The following NRXN3 variants were observed in gnomAD, a reference collection of about 807,000 sequenced individuals.
NRXN3 encodes neurexin 3, also known as neurexin III.
NRXN3 carries 32 observed loss-of-function variants against 137.6 expected under a neutral mutation model. That is an observed-to-expected ratio of 0.23 (90% CI 0.18 to 0.31). NRXN3 has a LOEUF of 0.31. NRXN3 is among the 10% of genes least tolerant of loss of function. NRXN3 has a pLI of 1.00. For missense variants in NRXN3, 1,574 were observed against 2,062.5 expected, an observed-to-expected ratio of 0.76 and a Z score of 4.59; for synonymous variants, 798 against 784.5, an observed-to-expected ratio of 1.02 and a Z score of -0.29.
intron 6 of NRXN3, among the ~76,000 whole-genome samples, chr14:78,708,778 A>G (rs2098381724): frequency 6.6e-6 from 1 of 152,216 alleles, no homozygotes; most frequent in Non-Finnish European, 1.5e-5. Context: ...ACCAAAAGCA[A>G]TACCTTGTTT....
chr14:78,977,750 A>G (rs746270177), intron 14 of NRXN3, among the ~76,000 whole-genome samples: 25 of 152,176 alleles, frequency 1.6e-4, no homozygotes, highest in African/African-American at 4.3e-4. Flanking sequence ...ATCATTGACC[A>G]TCAAGAGCAG....
At chr14:79,047,857 T>A (rs2099635281) in intron 15 of NRXN3, among the ~76,000 whole-genome samples, 1 of 152,202 alleles carries the variant, frequency 6.6e-6, no homozygotes, top group African/African-American at 2.4e-5. Flanking sequence ...AAAACCACTT[T>A]GGAAAAATTG....
At chr14:79,260,404 G>GA (rs2077418258) in intron 15 of NRXN3, among the ~76,000 whole-genome samples, 2 of 152,076 alleles carry the variant, frequency 1.3e-5, no homozygotes, top group Admixed American at 6.6e-5. Flanking sequence ...CACAAAAAAG[G>GA]AAAAACTCTC....
chr14:79,029,012 A>G (rs1036943844), intron 15 of NRXN3, among the ~76,000 whole-genome samples: 1 of 152,036 alleles, frequency 6.6e-6, no homozygotes, highest in Admixed American at 6.6e-5. Flanking sequence ...ATAGGAAAAA[A>G]TAGTGATAAA....
At chr14:78,519,797 C>G (rs1047774921) in intron 4 of NRXN3, among the ~76,000 whole-genome samples, 3 of 152,048 alleles carry the variant, frequency 2.0e-5, no homozygotes, top group African/African-American at 7.2e-5. Context: ...GAATAAATAT[C>G]AAAGGACCCA....
At chr14:79,189,422 G>A (rs1030437165) in intron 15 of NRXN3, among the ~76,000 whole-genome samples, 1 of 151,100 alleles carries the variant, frequency 6.6e-6, no homozygotes, top group Non-Finnish European at 1.5e-5. Context: ...AGCTTTAGGA[G>A]ATATACCTAA....
At chr14:79,777,792 T>G (rs575246176) in intron 19 of NRXN3, among the ~76,000 whole-genome samples, 1 of 151,750 alleles carries the variant, frequency 6.6e-6, no homozygotes, top group African/African-American at 2.4e-5. Context: ...ATAAATTATT[T>G]TAATATATTT....
chr14:79,855,709 T>C (rs1394020078), intron 20 of NRXN3, among the ~76,000 whole-genome samples: 1 of 152,146 alleles, frequency 6.6e-6, no homozygotes, highest in Non-Finnish European at 1.5e-5. Context: ...ATTATGTAAG[T>C]GTTTATAGCT....
In NRXN3 at chr14:78,709,421, C is replaced by T. The variant is rs200425610; in HGVS notation, c.1426C>T (p.Arg476Cys). ...TATGGGCTCCATCTCCTTTGACTTC[C>T]GCACCACAGAGCCCAATGGCCTGAT... ...KRMGSISFDF[R>C]TTEPNGLILF... The change falls in exon 7 of 21, where the codon CGC becomes TGC. Residue 476 changes from arginine (R) to cysteine (C), a missense_variant. This residue lies in a region of NRXN3 where 718 missense variants were observed against 887.6 expected (regional missense o/e 0.81). Coordinates refer to ENST00000335750, the MANE Select transcript of NRXN3 (RefSeq NM_001330195.2). 62 of 1,614,134 alleles carry T rather than the reference C, an allele frequency of 3.8e-5. No homozygotes were observed. Among genetic ancestry groups the T allele is most frequent in the Admixed American group, 1.0e-4 (6 of 60,018 alleles).
At chr14:79,295,965 G>A (rs1178065314) in intron 15 of NRXN3, among the ~76,000 whole-genome samples, 1 of 152,148 alleles carries the variant, frequency 6.6e-6, no homozygotes, top group Non-Finnish European at 1.5e-5. Flanking sequence ...TCCAGGCACT[G>A]TCCAGGGTGT....
intron 15 of NRXN3, among the ~76,000 whole-genome samples, chr14:79,006,591 A>G (rs2099553520): frequency 2.0e-5 from 3 of 152,072 alleles, no homozygotes; most frequent in Non-Finnish European, 4.4e-5. Context: ...TGTTTTTACA[A>G]TTAAAGATGT....
At chr14:79,754,917 A>T (rs549339762) in intron 19 of NRXN3, among the ~76,000 whole-genome samples, 1 of 152,196 alleles carries the variant, frequency 6.6e-6, no homozygotes, top group Admixed American at 6.5e-5. Context: ...TTAAGCTGCC[A>T]TGCGAAGAAG....
At chr14:79,243,604 T>C (rs114589710) in intron 15 of NRXN3, among the ~76,000 whole-genome samples, 1 of 152,140 alleles carries the variant, frequency 6.6e-6, no homozygotes, top group African/African-American at 2.4e-5. Context: ...AAAATCATAG[T>C]GTGTACTCAC....
At chr14:79,742,284 C>T (rs1340926686) in intron 19 of NRXN3, among the ~76,000 whole-genome samples, 1 of 152,110 alleles carries the variant, frequency 6.6e-6, no homozygotes, top group East Asian at 1.9e-4. Flanking sequence ...TGGAGTTTTG[C>T]ATGATAATGT....
chr14:79,279,518 A>G (rs532202839), intron 15 of NRXN3: 2 of 985,364 alleles, frequency 2.0e-6, no homozygotes, highest in South Asian at 9.4e-5. Context: ...ACCCCGTGCC[A>G]CGTTGGTTTG....
intron 7 of NRXN3, among the ~76,000 whole-genome samples, chr14:78,711,887 G>A (rs1025926733): frequency 1.3e-5 from 2 of 152,038 alleles, no homozygotes; most frequent in Non-Finnish European, 2.9e-5. Context: ...AATGTTTTCT[G>A]GTAACTTGTT....
intron 15 of NRXN3, among the ~76,000 whole-genome samples, chr14:79,276,140 C>T (rs191869428): frequency 3.9e-4 from 59 of 152,216 alleles, no homozygotes; most frequent in African/African-American, 1.3e-3. Flanking sequence ...ACTCTAGCTA[C>T]AGGCAGTATT....
At chr14:79,344,621 A>C (rs907797794) in intron 15 of NRXN3, among the ~76,000 whole-genome samples, 2 of 152,204 alleles carry the variant, frequency 1.3e-5, no homozygotes, top group African/African-American at 2.4e-5. Flanking sequence ...TTATACATTG[A>C]CTTTTTTATT....
intron 10 of NRXN3, among the ~76,000 whole-genome samples, chr14:78,828,192 A>C (rs1045613803): frequency 6.6e-6 from 1 of 152,192 alleles, no homozygotes; most frequent in Admixed American, 6.5e-5. Context: ...ACCAGAGAGC[A>C]ATTCTATTGA....
Sources: allele counts gnomAD v4.1 joint callset (sites outside exome capture counted in the v4.1 genomes callset), GRCh38; gene constraint gnomAD v4.1.1; regional missense constraint gnomAD v4.1.1; transcripts MANE v1.5; gene names NCBI Gene and HGNC (gene_info 2026-07-23, HGNC 2026-07-21).